Variants in MCHR2 observed in about 807,000 individuals in gnomAD.
MCHR2 encodes melanin concentrating hormone receptor 2, also known as melanin-concentrating hormone receptor 2.
In MCHR2, 15 loss-of-function variants were observed where a neutral mutation model predicts 24.8. The ratio of observed to expected loss-of-function variants is 0.60; its 90% CI spans 0.40 to 0.93. The LOEUF (loss-of-function observed/expected upper bound fraction) is 0.93, where lower values mean the gene tolerates loss of function less well. MCHR2 is among the 40% of genes least tolerant of loss of function. The pLI is 0.00. For synonymous variants in MCHR2, 151 were observed against 147.6 expected, an observed-to-expected ratio of 1.02 and a Z score of -0.17; for missense variants, 386 against 408.7, an observed-to-expected ratio of 0.94 and a Z score of 0.48.
intron 1 of MCHR2, among the ~76,000 whole-genome samples, chr6:99,961,385 C>G (rs994438747): frequency 1.7e-4 from 26 of 152,020 alleles, no homozygotes; most frequent in Non-Finnish European, 4.4e-5. Flanking sequence ...ATAAATCATT[C>G]TACTATAAAG....
At chr6:99,987,624 C>G (rs1216315224) in intron 1 of MCHR2, among the ~76,000 whole-genome samples, 1 of 152,176 alleles carries the variant, frequency 6.6e-6, no homozygotes, top group Non-Finnish European at 1.5e-5. Flanking sequence ...TATGCTTCTT[C>G]TGAAAGTCTG....
chr6:99,963,810 T>C (rs1775243259), intron 1 of MCHR2, among the ~76,000 whole-genome samples: 1 of 151,904 alleles, frequency 6.6e-6, no homozygotes, highest in South Asian at 2.1e-4. Context: ...AAAAATAACA[T>C]GGGAATTAAA....
At position 99,934,405 on chromosome 6, in the gene MCHR2, C is replaced by A; in HGVS notation, c.700G>T (p.Ala234Ser). The change falls in exon 5 of 6, where the codon GCC (alanine) becomes TCC (serine). Residue 234 changes from alanine to serine, a missense_variant. Ala to Ser is a moderately conservative substitution (Grantham distance 99, BLOSUM62 1). Coordinates refer to ENST00000281806, the MANE Select transcript of MCHR2 (RefSeq NM_001040179.2). ...AACAAGGCAAACACTTACCATCTGG[C>A]ATCCTTATTCTGTTGATACATCTCC... ...TWEMYQQNKD[A>S]RCCNPSVPKQ... 1.3e-6 allele frequency: 2 copies of A among 1,576,982 alleles called. No individual in the cohort carries two copies. Among genetic ancestry groups the A allele is most frequent in the Non-Finnish European group, 8.6e-7 (1 of 1,167,042 alleles).
chr6:99,938,319 A>G (rs1774706226), intron 4 of MCHR2, among the ~76,000 whole-genome samples: 1 of 151,732 alleles, frequency 6.6e-6, no homozygotes, highest in South Asian at 2.1e-4. Flanking sequence ...TACTTTTTTG[A>G]TATAGGCATT....
intron 1 of MCHR2, among the ~76,000 whole-genome samples, chr6:99,969,591 A>C (rs1171944843): frequency 6.6e-6 from 1 of 151,062 alleles, no homozygotes; most frequent in Non-Finnish European, 1.5e-5. Context: ...ATTATACTTT[A>C]AGTTTTAGGG....
At position 99,982,467 on chromosome 6, in the gene MCHR2, GAAAAAAAA is replaced by G. The variant is rs1196029682; in HGVS notation, c.-28+11461_-28+11468del. Among the ~76,000 whole-genome samples the G allele has an allele frequency of 3.0e-3, 142 of 46,642 alleles. 2 individuals are homozygous for G. In the East Asian group the frequency reaches 0.063, roughly 21 times the overall value. The allele number at this position is 46,642 out of a possible 152,430, so 30.6% of individuals were successfully genotyped here. ...AATATGGAGAAACCTTGTCTGTACAGAAAAAAAAAAAAAAAAAAAAAAAAAGCCAGGTG... is the reference window on the plus strand; with the variant it reads ...AATATGGAGAAACCTTGTCTGTACAGAAAAAAAAAAAAAAAAAGCCAGGTG... On this transcript the variant is annotated intron_variant, in intron 1 of 5. Transcript: ENST00000281806.
intron 4 of MCHR2, among the ~76,000 whole-genome samples, chr6:99,936,363 G>A (rs1052068372): frequency 6.6e-6 from 1 of 151,742 alleles, no homozygotes; most frequent in African/African-American, 2.4e-5. Flanking sequence ...ATTCATTTCG[G>A]TTTGATTTTT....
intron 5 of MCHR2, 107 bp downstream of exon 5, chr6:99,934,291 T>G (rs1774605978): frequency 1.2e-5 from 14 of 1,160,638 alleles, no homozygotes; most frequent in Non-Finnish European, 1.5e-5. Flanking sequence ...AATGTCCACA[T>G]GTCTAAATGT....
chr6:99,961,630 C>G (rs999142970), intron 1 of MCHR2, among the ~76,000 whole-genome samples: 4 of 152,134 alleles, frequency 2.6e-5, no homozygotes, highest in African/African-American at 9.7e-5. Flanking sequence ...ACTGCATGTT[C>G]TCACTGATAG....
intron 1 of MCHR2, among the ~76,000 whole-genome samples, chr6:99,971,422 T>C (rs562978198): frequency 4.8e-4 from 73 of 152,176 alleles, no homozygotes; most frequent in Non-Finnish European, 7.6e-4. Flanking sequence ...TATCCTGAGA[T>C]TTTGCTGAAA....
chr6:99,967,631 C>A (rs1334299557), intron 1 of MCHR2, among the ~76,000 whole-genome samples: 1 of 152,072 alleles, frequency 6.6e-6, no homozygotes, highest in Non-Finnish European at 1.5e-5. Context: ...GGAAAAAAAT[C>A]ATCTGGGGAA....
At chr6:99,923,879 TTTG>T (rs1350387006) in intron 5 of MCHR2, among the ~76,000 whole-genome samples, 3 of 152,122 alleles carry the variant, frequency 2.0e-5, no homozygotes, top group African/African-American at 7.2e-5. Context: ...CCTGTAGTTT[TTTG>T]TTGTGTCTTT....
chr6:99,964,432 A>T (rs539097666), intron 1 of MCHR2, among the ~76,000 whole-genome samples: 1 of 152,084 alleles, frequency 6.6e-6, no homozygotes, highest in South Asian at 2.1e-4. Flanking sequence ...GGTTTAGTTG[A>T]CTCACAATTC....
chr6:99,936,272 C>T (rs1455654347), intron 4 of MCHR2, among the ~76,000 whole-genome samples: 1 of 151,950 alleles, frequency 6.6e-6, no homozygotes, highest in African/African-American at 2.4e-5. Context: ...AAAGTCTTTG[C>T]CCAGACCAAT....
intron 1 of MCHR2, among the ~76,000 whole-genome samples, chr6:99,985,014 G>A (rs963136820): frequency 2.0e-4 from 31 of 152,016 alleles, no homozygotes; most frequent in African/African-American, 7.5e-4. Flanking sequence ...AAAATTAGTA[G>A]CATTTTTATA....
chr6:99,926,080 T>C (rs1354104346), intron 5 of MCHR2, among the ~76,000 whole-genome samples: 5 of 151,554 alleles, frequency 3.3e-5, no homozygotes, highest in South Asian at 2.1e-4. Flanking sequence ...TGAGAACATG[T>C]GGTGTTTGGT....
In MCHR2 at chr6:99,921,207, C is replaced by G. The variant is rs1774221782; in HGVS notation, c.756G>C (p.Met252Ile). Residue 252 changes from methionine (M) to isoleucine (I), a missense_variant, in exon 6 of 6, where the codon ATG (methionine) becomes ATC (isoleucine). Physicochemically the swap from Met to Ile is conservative, Grantham distance 10 (BLOSUM62 1). Coordinates refer to ENST00000281806, the MANE Select transcript of MCHR2 (RefSeq NM_001040179.2). ...PKQRVMKLTKMVLVLVVVFIL... is the reference protein window; with the variant it reads ...PKQRVMKLTKIVLVLVVVFIL... ...TAAAGACTACCACCAGCACCAGCACCATCTTTGTCAACTTCATCACTCTCT... is the reference window on the plus strand; with the variant it reads ...TAAAGACTACCACCAGCACCAGCACGATCTTTGTCAACTTCATCACTCTCT... 6.2e-7 allele frequency: 1 copy of G among 1,614,086 alleles called. No homozygotes were observed. The highest frequency in any genetic ancestry group is 1.3e-5 in the African/African-American group (1 of 75,020).
intron 1 of MCHR2, among the ~76,000 whole-genome samples, chr6:99,990,629 G>C (rs1167763585): frequency 2.0e-5 from 3 of 152,132 alleles, no homozygotes; most frequent in African/African-American, 7.2e-5. Context: ...TAAGTCATAA[G>C]AAATTTACAA....
At chr6:99,932,036 G>T (rs548090725) in intron 5 of MCHR2, among the ~76,000 whole-genome samples, 1 of 152,102 alleles carries the variant, frequency 6.6e-6, no homozygotes, top group East Asian at 1.9e-4. Context: ...AGAATTTCTT[G>T]TAAGACAGGT....
Sources: allele counts gnomAD v4.1 joint callset (sites outside exome capture counted in the v4.1 genomes callset), GRCh38; gene constraint gnomAD v4.1.1; transcripts MANE v1.5; gene names NCBI Gene and HGNC (gene_info 2026-07-23, HGNC 2026-07-21).